EEFSEC: variants seen among roughly 807,000 people sequenced by gnomAD.
EEFSEC encodes the protein eukaryotic elongation factor, selenocysteine-tRNA specific.
In EEFSEC, 43 loss-of-function variants were observed where a neutral mutation model predicts 42.1. The observed-to-expected ratio is 1.02, with a 90% confidence interval of 0.80 to 1.32. The LOEUF (loss-of-function observed/expected upper bound fraction) is 1.32, where lower values mean the gene tolerates loss of function less well. Among genes scored for constraint, EEFSEC ranks in the 40% most tolerant of loss-of-function variants. The pLI, the probability that EEFSEC is intolerant of heterozygous loss-of-function variation, is 0.00. For synonymous variants in EEFSEC, 354 were observed against 339.1 expected, an observed-to-expected ratio of 1.04 and a Z score of -0.48; for missense variants, 745 against 803.6, an observed-to-expected ratio of 0.93 and a Z score of 0.88.
chr3:128,363,309 G>A (rs1184467112), intron 6 of EEFSEC, among the ~76,000 whole-genome samples: 3 of 152,242 alleles, frequency 2.0e-5, no homozygotes, highest in African/African-American at 7.2e-5. Context: ...GCGCAAGAAA[G>A]CCAGAACAAA....
chr3:128,377,545 C>A (rs1241266768), intron 6 of EEFSEC, among the ~76,000 whole-genome samples: 6 of 152,254 alleles, frequency 3.9e-5, no homozygotes, highest in Non-Finnish European at 5.9e-5. Context: ...TGTGTTCAGT[C>A]ATGTGGCCAT....
At chr3:128,247,757 C>T (rs2066142860) in intron 2 of EEFSEC, among the ~76,000 whole-genome samples, 1 of 151,994 alleles carries the variant, frequency 6.6e-6, no homozygotes, top group African/African-American at 2.4e-5. Context: ...GGAAGGCTGG[C>T]ATGGTGAGGA....
intron 6 of EEFSEC, among the ~76,000 whole-genome samples, chr3:128,382,367 T>C (rs1275619563): frequency 1.3e-5 from 2 of 152,240 alleles, no homozygotes; most frequent in South Asian, 2.1e-4. Context: ...CAGAGCAGGC[T>C]GTGTGCGCCC....
At chr3:128,185,565 A>G (rs1195888644) in intron 1 of EEFSEC, among the ~76,000 whole-genome samples, 4 of 151,922 alleles carry the variant, frequency 2.6e-5, no homozygotes, top group Non-Finnish European at 5.9e-5. Flanking sequence ...ACTTAGTGTA[A>G]TATTTTCTTT....
intron 4 of EEFSEC, among the ~76,000 whole-genome samples, chr3:128,269,519 T>G (rs562317341): frequency 6.6e-6 from 1 of 152,224 alleles, no homozygotes; most frequent in Non-Finnish European, 1.5e-5. Flanking sequence ...CACAGTGACA[T>G]CCCTGTCAGA....
At chr3:128,278,035 G>GT in intron 4 of EEFSEC, among the ~76,000 whole-genome samples, 1 of 152,330 alleles carries the variant, frequency 6.6e-6, no homozygotes, top group African/African-American at 2.4e-5. Flanking sequence ...TGCTGTAGAG[G>GT]TAAGTGGCAC....
intron 3 of EEFSEC, 26 bp downstream of exon 3, chr3:128,262,250 C>T (rs753879695): frequency 6.2e-7 from 1 of 1,605,406 alleles, no homozygotes; most frequent in South Asian, 1.1e-5. Context: ...ATCCAGGTTG[C>T]CCTTTAGCCC....
the EEFSEC span, among the ~76,000 whole-genome samples, chr3:128,416,239 G>C: frequency 7.9e-5 from 12 of 152,098 alleles, no homozygotes; most frequent in African/African-American, 2.4e-5. Context: ...TTCTGGGCAG[G>C]GCCCACCCTG....
chr3:128,171,258 C>G (rs552791785), intron 1 of EEFSEC, among the ~76,000 whole-genome samples: 60 of 152,276 alleles, frequency 3.9e-4, no homozygotes, highest in African/African-American at 1.4e-3. Context: ...CCCATAGATG[C>G]CTTTAAGTGT....
chr3:128,293,254 G>C (rs1247793342), intron 4 of EEFSEC, among the ~76,000 whole-genome samples: 1 of 152,218 alleles, frequency 6.6e-6, no homozygotes, highest in East Asian at 1.9e-4. Context: ...TGTATAGGCA[G>C]ATGATAGCAG....
intron 1 of EEFSEC, among the ~76,000 whole-genome samples, chr3:128,183,880 G>A (rs1235381404): frequency 6.6e-6 from 1 of 152,292 alleles, no homozygotes; most frequent in South Asian, 2.1e-4. Context: ...AATTGGGTGA[G>A]TGTGGGCACA....
chr3:128,237,666 T>G (rs1267683733), intron 1 of EEFSEC, among the ~76,000 whole-genome samples: 1 of 152,234 alleles, frequency 6.6e-6, no homozygotes, highest in Non-Finnish European at 1.5e-5. Context: ...TTTTTTGGCT[T>G]TCTTTCCTTT....
In EEFSEC at chr3:128,198,980, C is replaced by T. The variant is rs548674121; in HGVS notation, c.316+45157C>T. On this transcript the variant is annotated intron_variant, in intron 1 of 6. Coordinates refer to ENST00000254730, the MANE Select transcript of EEFSEC (RefSeq NM_021937.5). ...CTGAGTACCTGGGACTATAGGCATG[C>T]GCCACCGCACCCAGCTAATTTTTGT... Among the ~76,000 whole-genome samples, 29 of 152,102 alleles carry T rather than the reference C, an allele frequency of 1.9e-4. No homozygotes were observed. In the South Asian group the frequency reaches 5.2e-3, roughly 27 times the overall value.
intron 6 of EEFSEC, among the ~76,000 whole-genome samples, chr3:128,393,816 G>A (rs2067946000): frequency 6.6e-6 from 1 of 152,272 alleles, no homozygotes; most frequent in African/African-American, 2.4e-5. Context: ...GGGCTGTGAG[G>A]TAGGTGCAGG....
At chr3:128,212,102 C>A (rs941647457) in intron 1 of EEFSEC, among the ~76,000 whole-genome samples, 6 of 151,644 alleles carry the variant, frequency 4.0e-5, no homozygotes, top group Admixed American at 2.0e-4. Context: ...ACCTCATGAT[C>A]TGCCTGCCTC....
At chr3:128,267,917 A>G (rs2066372156) in intron 4 of EEFSEC, among the ~76,000 whole-genome samples, 2 of 152,384 alleles carry the variant, frequency 1.3e-5, no homozygotes, top group South Asian at 2.1e-4. Context: ...AGAACACTGG[A>G]CTGAAAGGGA....
At position 128,246,925 on chromosome 3, in the gene EEFSEC, A is replaced by G; in HGVS notation, c.406A>G (p.Ile136Val). The G allele has an allele frequency of 6.2e-7, 1 of 1,614,224 alleles. No homozygotes were observed. The highest frequency in any genetic ancestry group is 8.5e-7 in the Non-Finnish European group (1 of 1,180,048). The change falls in exon 2 of 7, where the codon ATT becomes GTT. Residue 136 changes from isoleucine to valine, a missense_variant. Physicochemically the swap from Ile to Val is conservative, Grantham distance 29. Transcript: ENST00000254730. ...AGCGGAATGCCTTGTGATCGGCCAG[A>G]TTGCCTGCCAGAAGCTGGTCGTGGT... is the stretch of plus-strand genomic sequence containing the variant. Reference protein sequence around the residue: ...QSAECLVIGQIACQKLVVVLN... With the variant: ...QSAECLVIGQVACQKLVVVLN...
intron 5 of EEFSEC, among the ~76,000 whole-genome samples, chr3:128,343,026 G>A (rs757491277): frequency 6.6e-6 from 1 of 152,208 alleles, no homozygotes; most frequent in Non-Finnish European, 1.5e-5. Flanking sequence ...TAAAGAGCAC[G>A]GAGTGCTGGC....
At chr3:128,267,875 C>T (rs2066371749) in intron 4 of EEFSEC, among the ~76,000 whole-genome samples, 1 of 152,176 alleles carries the variant, frequency 6.6e-6, no homozygotes, top group South Asian at 2.1e-4. Context: ...ATATAAGAGA[C>T]CCTCAAGGGT....
Sources: gnomAD v4.1 joint callset for allele counts (sites outside exome capture counted in the v4.1 genomes callset) on GRCh38, gnomAD v4.1.1 for gene constraint, MANE v1.5 for transcripts, NCBI Gene and HGNC (gene_info 2026-07-23, HGNC 2026-07-21) for gene names.